The following RPS18 variants were observed in gnomAD, a reference collection of about 807,000 sequenced individuals.
RPS18 encodes the protein small ribosomal subunit protein uS13.
For missense variants in RPS18, 49 were observed against 200.8 expected (o/e 0.24, Z 4.57); for synonymous variants, 64 against 70.9 (o/e 0.90, Z 0.49).
At chr6:33,274,032 A>G (rs1392250030) in intron 2 of RPS18, among the ~76,000 whole-genome samples, 1 of 152,036 alleles carries the variant, frequency 6.6e-6, no homozygotes, top group Non-Finnish European at 1.5e-5. Flanking sequence ...ATCTTATCTC[A>G]CTGCAACCTC....
At chr6:33,272,181 G>T (rs377263261) in intron 1 of RPS18, 59 bp downstream of exon 1, 20 of 1,547,612 alleles carry the variant, frequency 1.3e-5, no homozygotes, top group Non-Finnish European at 1.7e-5. Flanking sequence ...AGGAAAGCCG[G>T]CTGTCAGGGT....
At chr6:33,275,911 G>A in intron 3 of RPS18, 28 bp downstream of exon 3, 1 of 1,603,408 alleles carries the variant, frequency 6.2e-7, no homozygotes, top group South Asian at 1.1e-5. Flanking sequence ...GGCTGGGGGT[G>A]GGGTCAGCCT....
chr6:33,272,755 A>G, intron 2 of RPS18, 29 bp downstream of exon 2: 1 of 1,087,136 alleles, frequency 9.2e-7, no homozygotes, highest in East Asian at 2.3e-5. Context: ...GGAATAGGGA[A>G]TGTAAATGAG....
chr6:33,272,500 T>TG (rs1765279317), intron 1 of RPS18, 128 bp from the exon 2 acceptor site: 3 of 729,228 alleles, frequency 4.1e-6, no homozygotes, highest in South Asian at 1.5e-5. Flanking sequence ...ACCTAAGGAA[T>TG]GGGGGGCGGG....
At chr6:33,273,963 A>G (rs180679558) in intron 2 of RPS18, among the ~76,000 whole-genome samples, 89 of 142,786 alleles carry the variant, frequency 6.2e-4, no homozygotes, top group Middle Eastern at 3.4e-3. Flanking sequence ...GGTCATGTTT[A>G]TTTATTTATC....
In RPS18 at chr6:33,272,197, A is replaced by C. The variant is rs565421051; in HGVS notation, c.3+75A>C. On this transcript the variant is annotated intron_variant, in intron 1 of 5. Transcript: ENST00000439602. ...GGAAAGCCGGCTGTCAGGGTTCTGGAAACGTCCTGCCCTGAGGGCCTGCGA... is the reference window on the plus strand; with the variant it reads ...GGAAAGCCGGCTGTCAGGGTTCTGGCAACGTCCTGCCCTGAGGGCCTGCGA... 2.0e-6 allele frequency: 3 copies of C among 1,513,296 alleles called. No homozygotes were observed. In the African/African-American group the frequency reaches 4.1e-5, roughly 21 times the overall value. The allele number at this position is 1,513,296 out of a possible 1,614,324, so 93.7% of individuals were successfully genotyped here. A position where few individuals can be genotyped will look rare whatever the true frequency, so the allele number is the denominator to read the frequency against.
intron 2 of RPS18, among the ~76,000 whole-genome samples, chr6:33,273,959 GTTTA>G (rs10539952): frequency 0.033 from 4,968 of 152,228 alleles, 254 homozygotes; most frequent in African/African-American, 0.11. Flanking sequence ...CCTTGGTCAT[GTTTA>G]TTTATTTATC....
At chr6:33,275,628 C>CCTT in intron 2 of RPS18, 169 bp from the exon 3 acceptor site, 3 of 664,750 alleles carry the variant, frequency 4.5e-6, no homozygotes, top group Non-Finnish European at 8.2e-6. Context: ...CCAAAGTTAA[C>CCTT]CTTCTGTCGA....
rs185413061 is a variant in RPS18, at chr6:33,272,881, C to T, written c.102+155C>T. Among the ~76,000 whole-genome samples the T allele has an allele frequency of 3.9e-5, 6 of 152,206 alleles. No individual in the cohort carries two copies. In the East Asian group the frequency reaches 5.8e-4, roughly 15 times the overall value. On this transcript the variant is annotated intron_variant, in intron 2 of 5. Coordinates refer to ENST00000439602, the MANE Select transcript of RPS18 (RefSeq NM_022551.3). ...GAAAGTGGTTTAGGGAGAGACTGAC[C>T]CCTTTAGCATTTACCACAGAAAATA... is the stretch of plus-strand genomic sequence containing the variant.
At chr6:33,272,209 C>A in intron 1 of RPS18, 87 bp downstream of exon 1, 1 of 1,434,640 alleles carries the variant, frequency 7.0e-7, no homozygotes, top group Non-Finnish European at 9.6e-7. Flanking sequence ...ACGTCCTGCC[C>A]TGAGGGCCTG....
chr6:33,276,294 C>T, intron 5 of RPS18, 27 bp downstream of exon 5: 1 of 1,606,430 alleles, frequency 6.2e-7, no homozygotes, highest in Middle Eastern at 1.7e-4. Context: ...ATCTCCCTGC[C>T]TACCTCGACT....
chr6:33,272,113 T>C lies in RPS18; in HGVS notation c.-7T>C, dbSNP rs1249267824. 6 of 1,568,158 alleles carry C rather than the reference T, an allele frequency of 3.8e-6. No individual in the cohort carries two copies. In the African/African-American group the frequency reaches 5.4e-5, roughly 14 times the overall value. ...GAGGCCTACACGCCGCCGCTTGTGC[T>C]GCAGCCATGGTAAGACTGGAATCCG... is the stretch of plus-strand genomic sequence containing the variant. On this transcript the variant is annotated 5_prime_UTR_variant, in exon 1 of 6. Transcript: ENST00000439602.
At chr6:33,273,433 C>T (rs1483792251) in intron 2 of RPS18, among the ~76,000 whole-genome samples, 3 of 151,980 alleles carry the variant, frequency 2.0e-5, no homozygotes, top group Non-Finnish European at 4.4e-5. Context: ...AAATAGCCTA[C>T]CAGTATGTGT....
At chr6:33,276,292 G>T in intron 5 of RPS18, 25 bp downstream of exon 5, 1 of 1,607,344 alleles carries the variant, frequency 6.2e-7, no homozygotes, top group Non-Finnish European at 8.5e-7. Flanking sequence ...TCATCTCCCT[G>T]CCTACCTCGA....
intron 2 of RPS18, chr6:33,275,575 T>C: frequency 1.7e-6 from 1 of 575,752 alleles, no homozygotes; most frequent in Non-Finnish European, 3.1e-6. Context: ...CACTTGGGCC[T>C]CCCAAAGTGC....
At chr6:33,275,426 C>T in intron 2 of RPS18, 1 of 252,410 alleles carries the variant, frequency 4.0e-6, no homozygotes, top group South Asian at 4.4e-5. Context: ...TCAAGCTATT[C>T]TGCTGCAGCC....
chr6:33,274,790 AACG>A (rs1329032689), intron 2 of RPS18, among the ~76,000 whole-genome samples: 2 of 152,104 alleles, frequency 1.3e-5, no homozygotes. Context: ...TTATTTCCGT[AACG>A]ACCTTATTTC....
Position 33,276,492 on chromosome 6 carries a change from A to C in RPS18, c.*26A>C, listed in dbSNP as rs1765631137. ...GTCTGTAGGCCTTGTCTGTTAATAA[A>C]TAGTTTATATACCTATGGCTTCCTG... On this transcript the variant is annotated 3_prime_UTR_variant, in exon 6 of 6. Transcript: ENST00000439602. The C allele has an allele frequency of 6.6e-7, 1 of 1,508,478 alleles. No homozygotes were observed. The highest frequency in any genetic ancestry group is 9.2e-7 in the Non-Finnish European group (1 of 1,091,786). 93.4% of individuals were successfully genotyped at this position (1,508,478 alleles called of 1,614,324 possible).
intron 5 of RPS18, 27 bp from the exon 6 acceptor site, chr6:33,276,364 C>T (rs770956547): frequency 2.5e-6 from 4 of 1,612,666 alleles, no homozygotes; most frequent in Non-Finnish European, 3.4e-6. Context: ...TGTGCATGAC[C>T]TGTGACTCTT....
Sources: gnomAD v4.1 joint callset for allele counts (sites outside exome capture counted in the v4.1 genomes callset) on GRCh38, gnomAD v4.1.1 for gene constraint, MANE v1.5 for transcripts, NCBI Gene and HGNC (gene_info 2026-07-23, HGNC 2026-07-21) for gene names.